The following KCNH4 variants were observed in gnomAD, a reference collection of about 807,000 sequenced individuals.
KCNH4 encodes the protein voltage-gated delayed rectifier potassium channel KCNH4.
Under a neutral mutation model 90.7 loss-of-function variants are expected in KCNH4, and 33 were observed. The observed-to-expected ratio is 0.36, with a 90% confidence interval of 0.28 to 0.49. The LOEUF (loss-of-function observed/expected upper bound fraction) is 0.49, where lower values mean the gene tolerates loss of function less well. KCNH4 is among the 20% of genes least tolerant of loss of function. The pLI is 0.98. For missense variants in KCNH4, 1,044 were observed against 1,387.1 expected, an observed-to-expected ratio of 0.75 and a Z score of 3.93; for synonymous variants, 551 against 581.7, an observed-to-expected ratio of 0.95 and a Z score of 0.76.
Position 42,159,713 on chromosome 17 carries a change from C to T in KCNH4, c.*309+18G>A. 1 of 225,948 alleles carries T rather than the reference C, an allele frequency of 4.4e-6. No homozygotes were observed. The highest frequency in any genetic ancestry group is 9.0e-5 in the East Asian group (1 of 11,096). 14.0% of individuals were successfully genotyped at this position (225,948 alleles called of 1,614,324 possible). On this transcript the variant is annotated intron_variant, in intron 16 of 16. Coordinates refer to ENST00000264661, the MANE Select transcript of KCNH4 (RefSeq NM_012285.3). Reference sequence around the variant, plus strand: ...GAGCTGGGTCCCTTGCCCATCCCCTCTGCTCCCCCATCTCTACCTGCCTCC... The same window carrying T: ...GAGCTGGGTCCCTTGCCCATCCCCTTTGCTCCCCCATCTCTACCTGCCTCC...
In KCNH4 at chr17:42,170,147, G is replaced by A. The variant is rs765003438; in HGVS notation, c.1350C>T (p.Asp450=). 21 of 1,613,148 alleles carry A rather than the reference G, an allele frequency of 1.3e-5. No homozygotes were observed. The highest frequency in any genetic ancestry group is 8.9e-5 in the East Asian group (4 of 44,870). The change falls in exon 8 of 17, where the codon GAC becomes GAT. Residue 450 remains aspartate, a synonymous_variant. Coordinates refer to ENST00000264661, the MANE Select transcript of KCNH4 (RefSeq NM_012285.3). The part of the protein sequence containing the change: ...VGFGNVCANT[D]AEKIFSICTM... ...TGCAGATGGAGAAGATCTTCTCCGCGTCGGTGTTGGCACACACGTTGCCAA... is the reference window on the plus strand; with the variant it reads ...TGCAGATGGAGAAGATCTTCTCCGCATCGGTGTTGGCACACACGTTGCCAA...
In KCNH4 at chr17:42,163,424, A is replaced by C. The variant is rs1015801439; in HGVS notation, c.2478-90T>G. 1.7e-5 allele frequency: 16 copies of C among 967,038 alleles called. No individual in the cohort carries two copies. The African/African-American group carries it at 2.1e-4, about 13-fold the overall frequency. The allele number at this position is 967,038 out of a possible 1,614,324, so 59.9% of individuals were successfully genotyped here. A position where few individuals can be genotyped will look rare whatever the true frequency, so the allele number is the denominator to read the frequency against. ...GAGGGGGACTGGGGGCAGCAGTGCCAGGGGGCGGAGCAAGAGCAGCAGTCA... is the reference window on the plus strand; with the variant it reads ...GAGGGGGACTGGGGGCAGCAGTGCCCGGGGGCGGAGCAAGAGCAGCAGTCA... On this transcript the variant is annotated intron_variant, in intron 13 of 16. Transcript: ENST00000264661. The surrounding 1 kb of genome is among the most constrained non-coding windows in gnomAD (Gnocchi z 5.4).
intron 4 of KCNH4, among the ~76,000 whole-genome samples, chr17:42,176,509 CTTTTT>C (rs869250233): frequency 1.5e-5 from 1 of 68,466 alleles, no homozygotes; most frequent in Non-Finnish European, 2.8e-5. Context: ...GGCCCTCCTC[CTTTTT>C]TTTTTTTTTT....
At chr17:42,157,758 C>T (rs1321691673) in intron 16 of KCNH4, among the ~76,000 whole-genome samples, 2 of 152,056 alleles carry the variant, frequency 1.3e-5, no homozygotes, top group Non-Finnish European at 2.9e-5. Context: ...CAGGCACACA[C>T]CACTACACCT....
chr17:42,177,851 A>G (rs926067778), intron 4 of KCNH4, among the ~76,000 whole-genome samples: 3 of 152,228 alleles, frequency 2.0e-5, no homozygotes, highest in African/African-American at 7.2e-5. Context: ...TGCTAGAGCA[A>G]TGTGACATCA....
intron 15 of KCNH4, 128 bp downstream of exon 15, chr17:42,162,119 AT>A (rs1180011050): frequency 1.4e-6 from 1 of 726,034 alleles, no homozygotes; most frequent in Non-Finnish European, 2.3e-6. Flanking sequence ...TAATTTTTGT[AT>A]TTTTTAGCAG....
chr17:42,175,138 G>C (rs138876845), intron 6 of KCNH4, among the ~76,000 whole-genome samples: 1 of 152,168 alleles, frequency 6.6e-6, no homozygotes, highest in African/African-American at 2.4e-5. Flanking sequence ...CACCTCTTCT[G>C]TCCCTGATGT....
Position 42,160,150 on chromosome 17 carries a change from AG to A in KCNH4, c.2943del (p.Tyr982ThrfsTer24). Reference sequence around the variant, plus strand: ...CCCAGAGGGTCAGGCTCTGAGGGGTAGGGGGGCAATATGGAAGGTCTCAAGT... The same window carrying A: ...CCCAGAGGGTCAGGCTCTGAGGGGTAGGGGGCAATATGGAAGGTCTCAAGT... ...LLDLRPSILP[P>X]YPSEPDPLGP... On this transcript the variant is annotated frameshift_variant, in exon 16 of 17. Transcript: ENST00000264661. LOFTEE classifies it low-confidence loss of function (END_TRUNC). 4 of 1,611,884 alleles carry A rather than the reference AG, an allele frequency of 2.5e-6. No homozygotes were observed. Among genetic ancestry groups the A allele is most frequent in the Non-Finnish European group, 3.4e-6 (4 of 1,178,710 alleles).
At chr17:42,160,489 A>C (rs1598266249) in intron 15 of KCNH4, 54 bp from the exon 16 acceptor site, 5 of 1,507,634 alleles carry the variant, frequency 3.3e-6, no homozygotes, top group Non-Finnish European at 1.8e-6. Context: ...AACAAGGTGC[A>C]CCCCCCTCTC....
rs1434559499 is a variant in KCNH4, at chr17:42,163,741, G to A, written c.2342C>T (p.Ser781Phe). 1.3e-6 allele frequency: 2 copies of A among 1,558,872 alleles called. No individual in the cohort carries two copies. Among genetic ancestry groups the A allele is most frequent in the Non-Finnish European group, 8.7e-7 (1 of 1,155,582 alleles). Residue 781 changes from serine to phenylalanine, a missense_variant, in exon 13 of 17, where the codon TCC becomes TTC. By Grantham distance (155) the Ser-to-Phe change is radical. Around this residue, in one of 4 missense-constraint regions of KCNH4, gnomAD observed 441 missense variants for 512.3 expected, o/e 0.86. Coordinates refer to ENST00000264661, the MANE Select transcript of KCNH4 (RefSeq NM_012285.3). The surrounding 1 kb of genome is among the most constrained non-coding windows in gnomAD (Gnocchi z 5.4). Reference sequence around the variant, plus strand: ...CTGGCCAGCCAGGGCAGGGGACAGGGATGGGGATAAGGAAGGAGAGGAGAC... The same window carrying A: ...CTGGCCAGCCAGGGCAGGGGACAGGAATGGGGATAAGGAAGGAGAGGAGAC... ...ALVSSPSLSP[S>F]LSPALAGQGH... is the part of the protein sequence containing the mutation.
rs1194738177 is a variant in KCNH4 at position 42,165,526 on chromosome 17, G to C, written c.2008C>G (p.Pro670Ala). Residue 670 changes from proline (P) to alanine (A), a missense_variant, in exon 11 of 17, where the codon CCT becomes GCT. Pro to Ala is a conservative substitution (Grantham distance 27). Transcript: ENST00000264661. ...RGLAEVLRLY[P>A]EYGAAFRAGL... ...GCCCGGAAGGCAGCCCCATACTCAG[G>C]ATAGAGCCTCAGGACCTCAGCCAGC... 1.9e-6 allele frequency: 3 copies of C among 1,614,194 alleles called. No individual in the cohort carries two copies. The South Asian group carries it at 3.3e-5, about 18-fold the overall frequency.
rs1270075910 is a variant in KCNH4 at position 42,159,817 on chromosome 17, C to G, written c.*223G>C. The G allele has an allele frequency of 2.5e-6, 1 of 407,630 alleles. No homozygotes were observed. The highest frequency in any genetic ancestry group is 4.3e-6 in the Non-Finnish European group (1 of 231,178). 25.3% of individuals were successfully genotyped at this position (407,630 alleles called of 1,614,324 possible). A position where few individuals can be genotyped will look rare whatever the true frequency, so the allele number is the denominator to read the frequency against. ...TTCATCTCATGCCTGCTGGGTTCCA[C>G]AGCCCTCAGGTGGCTCCCCTCACAG... On this transcript the variant is annotated 3_prime_UTR_variant, in exon 16 of 17. Coordinates refer to ENST00000264661, the MANE Select transcript of KCNH4 (RefSeq NM_012285.3).
In KCNH4 at chr17:42,171,965, G is replaced by A. The variant is rs147767631; in HGVS notation, c.1018C>T (p.Arg340Trp). 4.3e-6 allele frequency: 7 copies of A among 1,609,250 alleles called. No individual in the cohort carries two copies. The highest frequency in any genetic ancestry group is 2.2e-5 in the East Asian group (1 of 44,530). Residue 340 changes from arginine (R) to tryptophan (W), a missense_variant, in exon 7 of 17, where the codon CGG becomes TGG. Physicochemically the swap from Arg to Trp is moderately radical, Grantham distance 101. Transcript: ENST00000264661. ...TSLVHLLKTVRLLRLLRLLQK... is the reference protein window; with the variant it reads ...TSLVHLLKTVWLLRLLRLLQK... ...AGCAGCCGCAGCAGCCGCAACAGCC[G>A]CACTGTCTTCAGTAGGTGCACCAGC...
At chr17:42,162,600 T>G (rs907760955) in intron 14 of KCNH4, among the ~76,000 whole-genome samples, 46 of 143,056 alleles carry the variant, frequency 3.2e-4, no homozygotes, top group Non-Finnish European at 5.5e-4. Context: ...ATTGTTTTTG[T>G]TTTTTTTTTT....
Position 42,178,423 on chromosome 17 carries a change from TC to T in KCNH4, c.364del (p.Glu122ArgfsTer58). ...DMMPIKNEMG[E>X]VVLFLFSFKD... ...GAAGGAAAAGAGGAACAGCACGACC[TC>T]CCCCATCTCATTCTTGATGGGCATC... On this transcript the variant is annotated frameshift_variant, in exon 3 of 17. Coordinates refer to ENST00000264661, the MANE Select transcript of KCNH4 (RefSeq NM_012285.3). LOFTEE classifies it high-confidence loss of function. 1 of 1,614,062 alleles carries T rather than the reference TC, an allele frequency of 6.2e-7. No homozygotes were observed. The highest frequency in any genetic ancestry group is 8.5e-7 in the Non-Finnish European group (1 of 1,180,002).
intron 6 of KCNH4, among the ~76,000 whole-genome samples, chr17:42,173,693 CTTTTTTTTT>C (rs532100884): frequency 3.5e-4 from 23 of 66,264 alleles, no homozygotes; most frequent in Admixed American, 5.5e-4. Flanking sequence ...CGATCTGGTT[CTTTTTTTTT>C]TTTTTTTTTT....
At chr17:42,176,526 T>C (rs2079863270) in intron 4 of KCNH4, among the ~76,000 whole-genome samples, 1 of 131,158 alleles carries the variant, frequency 7.6e-6, no homozygotes, top group African/African-American at 2.9e-5. Flanking sequence ...TTTTTTTTTT[T>C]TTTTTTTTTT....
chr17:42,178,938 G>A lies in KCNH4; in HGVS notation c.165C>T (p.Tyr55=), dbSNP rs148813217. ...TCTTCTGCATGACCTCGGTGCGACC[G>A]TAGCCTGTGAGCTCGCAGAAGCCGT... ...CSDGFCELTG[Y]GRTEVMQKTC... is the part of the protein sequence containing the mutation. The change falls in exon 2 of 17, where the codon TAC becomes TAT. Residue 55 remains tyrosine, a synonymous_variant. Transcript: ENST00000264661. 49 of 1,614,200 alleles carry A rather than the reference G, an allele frequency of 3.0e-5. No individual in the cohort carries two copies. Among genetic ancestry groups the A allele is most frequent in the Middle Eastern group, 3.3e-4 (2 of 6,062 alleles).
chr17:42,161,952 C>CTTTTTTT (rs986564483), intron 15 of KCNH4, among the ~76,000 whole-genome samples: 1 of 122,276 alleles, frequency 8.2e-6, no homozygotes. Context: ...ATATCTCTCT[C>CTTTTTTT]TTTTTTTTTT....
Sources: gnomAD v4.1 joint callset for allele counts (sites outside exome capture counted in the v4.1 genomes callset) on GRCh38, gnomAD v4.1.1 for gene constraint, gnomAD v4.1.1 regional missense constraint, Gnocchi (gnomAD v3.1) non-coding constraint, MANE v1.5 for transcripts, NCBI Gene and HGNC (gene_info 2026-07-23, HGNC 2026-07-21) for gene names.